Variants in RAB27B observed in about 807,000 individuals in gnomAD.
RAB27B encodes the protein RAB27B, member RAS oncogene family, also known as ras-related protein Rab-27B.
RAB27B carries 15 observed loss-of-function variants against 24.6 expected under a neutral mutation model. The ratio of observed to expected loss-of-function variants is 0.61; its 90% CI spans 0.41 to 0.94. The LOEUF is 0.94. RAB27B is among the 40% of genes least tolerant of loss of function. RAB27B has a pLI of 0.00. For synonymous variants in RAB27B, 105 were observed against 92.5 expected (o/e 1.14, Z -0.78); for missense variants, 261 against 266.8 (o/e 0.98, Z 0.15).
intron 2 of RAB27B, among the ~76,000 whole-genome samples, chr18:54,819,867 A>G (rs151155129): frequency 0.033 from 5,004 of 149,378 alleles, 134 homozygotes; most frequent in Admixed American, 0.08. Context: ...GAGAACATGC[A>G]GTGTTTGGTT....
At chr18:54,803,535 C>T (rs943309917) in intron 2 of RAB27B, among the ~76,000 whole-genome samples, 2 of 152,162 alleles carry the variant, frequency 1.3e-5, no homozygotes, top group Non-Finnish European at 2.9e-5. Context: ...TTTCAAAGCT[C>T]TCCCTGGCTT....
chr18:54,745,098 G>T, intron 2 of RAB27B: 1 of 167,818 alleles, frequency 6.0e-6, no homozygotes, highest in South Asian at 1.3e-4. Context: ...AGCCTTCCAG[G>T]AGCTGCGTCT....
intron 2 of RAB27B, among the ~76,000 whole-genome samples, chr18:54,737,488 A>G (rs1434671593): frequency 1.3e-5 from 2 of 152,212 alleles, no homozygotes; most frequent in Admixed American, 6.6e-5. Context: ...TTTATCTGGT[A>G]CATCTTGGCA....
chr18:54,755,477 T>C (rs1357413265), intron 2 of RAB27B, among the ~76,000 whole-genome samples: 1 of 152,144 alleles, frequency 6.6e-6, no homozygotes, highest in African/African-American at 2.4e-5. Context: ...GGCATCAGGT[T>C]TAAGGGAGAG....
chr18:54,779,061 A>G (rs1166728797), intron 2 of RAB27B, among the ~76,000 whole-genome samples: 1 of 152,100 alleles, frequency 6.6e-6, no homozygotes. Flanking sequence ...GATGGTCTCA[A>G]TCTCTTGAAC....
chr18:54,778,267 T>G (rs886736678), intron 2 of RAB27B, among the ~76,000 whole-genome samples: 1 of 151,970 alleles, frequency 6.6e-6, no homozygotes, highest in Non-Finnish European at 1.5e-5. Flanking sequence ...CTACCTTGCC[T>G]GAATCCCAAT....
intron 2 of RAB27B, among the ~76,000 whole-genome samples, chr18:54,757,675 A>G (rs1274808175): frequency 6.6e-6 from 1 of 152,182 alleles, no homozygotes. Flanking sequence ...TAAAATTGGG[A>G]CAAAAAAGAT....
chr18:54,846,528 A>G (rs1057292253), intron 1 of RAB27B, among the ~76,000 whole-genome samples: 12 of 152,230 alleles, frequency 7.9e-5, no homozygotes, highest in African/African-American at 2.9e-4. Flanking sequence ...AAGAAGAATA[A>G]AAAACAAGCA....
intron 1 of RAB27B, among the ~76,000 whole-genome samples, chr18:54,835,772 C>A (rs1431344609): frequency 6.6e-6 from 1 of 151,952 alleles, no homozygotes; most frequent in Non-Finnish European, 1.5e-5. Flanking sequence ...TTGCTTTTCT[C>A]GTGTAAAGTC....
intron 2 of RAB27B, among the ~76,000 whole-genome samples, chr18:54,734,992 G>T (rs1408995325): frequency 6.6e-6 from 1 of 152,096 alleles, no homozygotes; most frequent in Middle Eastern, 3.2e-3. Context: ...TTTATGATTG[G>T]TTTGGGAAAA....
intron 1 of RAB27B, among the ~76,000 whole-genome samples, chr18:54,867,820 G>A (rs1429110898): frequency 6.6e-6 from 1 of 152,138 alleles, no homozygotes; most frequent in Admixed American, 6.6e-5. Flanking sequence ...CATGAAGTGG[G>A]GGAAGCAAGA....
At chr18:54,820,276 C>A (rs564602094) in intron 2 of RAB27B, among the ~76,000 whole-genome samples, 2 of 152,304 alleles carry the variant, frequency 1.3e-5, no homozygotes, top group East Asian at 3.9e-4. Context: ...TCCTCTCCAG[C>A]ACCTGTTGTT....
At chr18:54,793,722 T>C (rs950533457) in intron 2 of RAB27B, among the ~76,000 whole-genome samples, 6 of 152,212 alleles carry the variant, frequency 3.9e-5, no homozygotes, top group Non-Finnish European at 7.3e-5. Context: ...ATTCAGAACA[T>C]GGCACACTGT....
chr18:54,786,402 T>G (rs1400006720), intron 2 of RAB27B, among the ~76,000 whole-genome samples: 1 of 152,234 alleles, frequency 6.6e-6, no homozygotes, highest in Non-Finnish European at 1.5e-5. Flanking sequence ...GGACCCAGGC[T>G]TTATTTCTGT....
intron 2 of RAB27B, among the ~76,000 whole-genome samples, chr18:54,781,062 G>A (rs1479360649): frequency 6.6e-6 from 1 of 152,088 alleles, no homozygotes; most frequent in East Asian, 1.9e-4. Context: ...GGCTAAGCTG[G>A]TTTCACCTTA....
At chr18:54,814,122 G>C (rs1396213767) in intron 2 of RAB27B, among the ~76,000 whole-genome samples, 2 of 152,176 alleles carry the variant, frequency 1.3e-5, no homozygotes, top group African/African-American at 4.8e-5. Flanking sequence ...TCTGCTTTGA[G>C]TGGATGAACA....
At chr18:54,767,087 A>T (rs1029145374) in intron 2 of RAB27B, among the ~76,000 whole-genome samples, 1 of 152,182 alleles carries the variant, frequency 6.6e-6, no homozygotes, top group Non-Finnish European at 1.5e-5. Context: ...GAAGGTGGGG[A>T]AACTTTAGTC....
intron 3 of RAB27B, chr18:54,879,898 A>G (rs1181598383): frequency 6.4e-6 from 1 of 155,250 alleles, no homozygotes; most frequent in Non-Finnish European, 1.4e-5. Context: ...TCAGACTTTG[A>G]TCTTAAAACA....
intron 1 of RAB27B, among the ~76,000 whole-genome samples, chr18:54,833,184 A>T (rs1158627061): frequency 6.6e-6 from 1 of 152,006 alleles, no homozygotes; most frequent in African/African-American, 2.4e-5. Context: ...CAAAGCAGTG[A>T]ATAAAGAAGG....
Sources: allele counts gnomAD v4.1 joint callset (sites outside exome capture counted in the v4.1 genomes callset), GRCh38; gene constraint gnomAD v4.1.1; transcripts MANE v1.5; gene names NCBI Gene and HGNC (gene_info 2026-07-23, HGNC 2026-07-21).